Variants in TOP6BL observed in about 807,000 individuals in gnomAD.
TOP6BL encodes the protein type 2 DNA topoisomerase 6 subunit B-like.
chr11:66,794,978 C>T, the TOP6BL span, among the ~76,000 whole-genome samples: 1 of 151,876 alleles, frequency 6.6e-6, no homozygotes, highest in Admixed American at 6.6e-5. Flanking sequence ...ACAGAAAATA[C>T]AAAAAATCAG....
the TOP6BL span, among the ~76,000 whole-genome samples, chr11:66,792,268 A>C: frequency 2.6e-5 from 4 of 152,076 alleles, no homozygotes. Flanking sequence ...TTCCTTTAGC[A>C]CCTCATTTAT....
At chr11:66,796,145 C>T in the TOP6BL span, 1 of 625,106 alleles carries the variant, frequency 1.6e-6, no homozygotes, top group Non-Finnish European at 2.8e-6. Context: ...ATTCTCATTC[C>T]CAAAGATGTC....
At chr11:66,780,602 CAG>C in the TOP6BL span, among the ~76,000 whole-genome samples, 1 of 151,908 alleles carries the variant, frequency 6.6e-6, no homozygotes, top group South Asian at 2.1e-4. Context: ...TTTTTGGAGA[CAG>C]AGTCTCACTC....
the TOP6BL span, among the ~76,000 whole-genome samples, chr11:66,820,708 T>C: frequency 6.6e-6 from 1 of 152,212 alleles, no homozygotes; most frequent in Non-Finnish European, 1.5e-5. Flanking sequence ...TTAGACACAC[T>C]CTATAGGACC....
the TOP6BL span, among the ~76,000 whole-genome samples, chr11:66,749,048 TTGTGTG>T: frequency 1.3e-5 from 2 of 151,078 alleles, no homozygotes; most frequent in African/African-American, 4.9e-5. Context: ...TGTTAGCTTT[TTGTGTG>T]TGTGTGTGTG....
the TOP6BL span, among the ~76,000 whole-genome samples, chr11:66,764,379 C>T: frequency 3.3e-5 from 5 of 151,644 alleles, no homozygotes; most frequent in Admixed American, 2.6e-4. Flanking sequence ...ATCGGCCGGG[C>T]GCGGTGGCTC....
At chr11:66,808,118 C>A in the TOP6BL span, among the ~76,000 whole-genome samples, 1 of 152,230 alleles carries the variant, frequency 6.6e-6, no homozygotes, top group Non-Finnish European at 1.5e-5. Context: ...CACACACATG[C>A]ACAGTCACAA....
chr11:66,752,578 A>C, the TOP6BL span, among the ~76,000 whole-genome samples: 6 of 151,756 alleles, frequency 4.0e-5, no homozygotes, highest in Non-Finnish European at 5.9e-5. Flanking sequence ...CAGCCTCCTG[A>C]GTAGCTGGGA....
the TOP6BL span, among the ~76,000 whole-genome samples, chr11:66,783,045 C>G: frequency 1.3e-5 from 2 of 152,108 alleles, no homozygotes; most frequent in African/African-American, 2.4e-5. Flanking sequence ...TAGTTTGGCT[C>G]TCTTAAAAGT....
chr11:66,816,040 T>C, the TOP6BL span: 4 of 1,584,620 alleles, frequency 2.5e-6, no homozygotes, highest in East Asian at 9.0e-5. Context: ...TCGTGTAATA[T>C]CTTGTCCTCT....
the TOP6BL span, among the ~76,000 whole-genome samples, chr11:66,817,106 TTGTAC>T: frequency 1.3e-5 from 2 of 152,014 alleles, no homozygotes; most frequent in African/African-American, 4.8e-5. Context: ...TGAGCCAAGA[TTGTAC>T]CACTGCACTT....
chr11:66,843,358 G>C, the TOP6BL span: 1 of 1,427,786 alleles, frequency 7.0e-7, no homozygotes. Context: ...CGTCGGGCCC[G>C]GGCGGGGCGG....
chr11:66,766,237 A>G, the TOP6BL span, among the ~76,000 whole-genome samples: 4 of 152,180 alleles, frequency 2.6e-5, no homozygotes, highest in Admixed American at 2.6e-4. Flanking sequence ...TATCAGCTTT[A>G]GTTTCCTTTA....
the TOP6BL span, among the ~76,000 whole-genome samples, chr11:66,786,710 A>T: frequency 6.6e-6 from 1 of 152,202 alleles, no homozygotes; most frequent in African/African-American, 2.4e-5. Context: ...CAGAATGGTA[A>T]TTGAATCACA....
At chr11:66,808,758 C>CA in the TOP6BL span, among the ~76,000 whole-genome samples, 1 of 151,900 alleles carries the variant, frequency 6.6e-6, no homozygotes, top group Non-Finnish European at 1.5e-5. Flanking sequence ...CTAAAGATAG[C>CA]AAGAACTTAG....
the TOP6BL span, among the ~76,000 whole-genome samples, chr11:66,745,815 T>C: frequency 1.3e-5 from 2 of 152,114 alleles, no homozygotes; most frequent in Non-Finnish European, 2.9e-5. Context: ...TGTTTGTTTG[T>C]TTGTTTGTTT....
At chr11:66,750,728 C>T in the TOP6BL span, among the ~76,000 whole-genome samples, 2 of 151,386 alleles carry the variant, frequency 1.3e-5, no homozygotes, top group East Asian at 3.9e-4. Context: ...CAAATATGGT[C>T]TCACTCTGTC....
At chr11:66,757,858 G>A in the TOP6BL span, among the ~76,000 whole-genome samples, 3 of 152,162 alleles carry the variant, frequency 2.0e-5, no homozygotes, top group East Asian at 5.8e-4. Context: ...AAAGTGCTGG[G>A]ATTACAGGCG....
chr11:66,828,647 C>A, the TOP6BL span: 1 of 313,984 alleles, frequency 3.2e-6, no homozygotes, highest in South Asian at 4.8e-5. Flanking sequence ...GTTACTCCAT[C>A]TTGTCCAGAA....
Sources: gnomAD v4.1 joint callset for allele counts (sites outside exome capture counted in the v4.1 genomes callset) on GRCh38, gnomAD v4.1.1 for gene constraint, MANE v1.5 for transcripts, NCBI Gene and HGNC (gene_info 2026-07-23, HGNC 2026-07-21) for gene names.